Variants in NELL2 observed in about 807,000 individuals in gnomAD.
NELL2 encodes protein kinase C-binding protein NELL2.
Under a neutral mutation model 109.6 loss-of-function variants are expected in NELL2, and 41 were observed. That is an observed-to-expected ratio of 0.37 (90% confidence interval 0.29 to 0.49). The LOEUF is 0.49. NELL2 is among the 20% of genes least tolerant of loss of function. The probability of loss-of-function intolerance (pLI) is 0.98; values close to 1 mark genes in which losing one functional copy is unlikely to be tolerated. For missense variants in NELL2, 900 were observed against 1,008.3 expected (o/e 0.89, Z 1.45); for synonymous variants, 355 against 344.7 (o/e 1.03, Z -0.33).
upstream of NELL2, among the ~76,000 whole-genome samples, chr12:44,915,067 T>G (rs380232): frequency 0.29 from 44,562 of 151,842 alleles, 6,873 homozygotes; most frequent in East Asian, 0.44. Flanking sequence ...TAGCCAGGAT[T>G]GTCTCAATCT....
chr12:44,702,800 G>C (rs1327926438), intron 12 of NELL2, among the ~76,000 whole-genome samples: 1 of 151,516 alleles, frequency 6.6e-6, no homozygotes, highest in Non-Finnish European at 1.5e-5. Flanking sequence ...AATGAATAAG[G>C]ATTTTTAAGA....
intron 2 of NELL2, among the ~76,000 whole-genome samples, chr12:44,836,116 A>G (rs935508028): frequency 1.3e-5 from 2 of 152,228 alleles, no homozygotes; most frequent in Admixed American, 6.5e-5. Context: ...TGTTACTCAG[A>G]GAATTGCAAG....
chr12:44,682,902 G>T (rs1395311694), intron 12 of NELL2, among the ~76,000 whole-genome samples: 5 of 152,128 alleles, frequency 3.3e-5, no homozygotes, highest in Non-Finnish European at 7.4e-5. Flanking sequence ...GGCAATGCAG[G>T]CTCTTTTTTG....
At chr12:44,736,049 T>C (rs59613472) in intron 9 of NELL2, among the ~76,000 whole-genome samples, 10,198 of 147,668 alleles carry the variant, frequency 0.069, 1,190 homozygotes, top group African/African-American at 0.24. Flanking sequence ...TTCGCTCTGT[T>C]GCCCAGGCTG....
At chr12:44,738,470 T>C (rs1216268279) in intron 9 of NELL2, among the ~76,000 whole-genome samples, 1 of 149,758 alleles carries the variant, frequency 6.7e-6, no homozygotes, top group Non-Finnish European at 1.5e-5. Flanking sequence ...TGGAATATTA[T>C]TTATCTTAAA....
At chr12:44,510,164 G>A (rs751356080) in intron 19 of NELL2, among the ~76,000 whole-genome samples, 5 of 152,196 alleles carry the variant, frequency 3.3e-5, no homozygotes, top group East Asian at 1.9e-4. Context: ...TGTTAATATC[G>A]TTTTTAAAAC....
At chr12:44,564,539 C>A (rs1323642397) in intron 15 of NELL2, among the ~76,000 whole-genome samples, 1 of 152,122 alleles carries the variant, frequency 6.6e-6, no homozygotes, top group Non-Finnish European at 1.5e-5. Flanking sequence ...CTAGGCTAGG[C>A]CCTGAGGGCA....
intron 9 of NELL2, 94 bp from the exon 10 acceptor site, chr12:44,714,835 C>G: frequency 1.5e-6 from 1 of 674,806 alleles, no homozygotes; most frequent in East Asian, 3.2e-5. Flanking sequence ...ACATGTTATA[C>G]ACCTTTTTTC....
Position 44,596,005 on chromosome 12 carries a change from A to G in NELL2, c.1663+11164T>C, listed in dbSNP as rs540675588. Reference sequence around the variant, plus strand: ...CTAGAATTCATTCTTCTTAAGAGCAATTTCTTCTGGGGTTACCATACCTGA... The same window carrying G: ...CTAGAATTCATTCTTCTTAAGAGCAGTTTCTTCTGGGGTTACCATACCTGA... On this transcript the variant is annotated intron_variant, in intron 15 of 19. Transcript: ENST00000429094. Among the ~76,000 whole-genome samples, 5 of 152,248 alleles carry G rather than the reference A, an allele frequency of 3.3e-5. No individual in the cohort carries two copies. The South Asian group carries it at 1.0e-3, about 32-fold the overall frequency.
intron 15 of NELL2, among the ~76,000 whole-genome samples, chr12:44,561,874 C>G (rs893759100): frequency 3.9e-5 from 6 of 152,026 alleles, no homozygotes; most frequent in Non-Finnish European, 8.8e-5. Flanking sequence ...CAATCCTAAA[C>G]AAAAAGAACA....
upstream of NELL2, chr12:44,876,357 G>A: frequency 2.5e-6 from 3 of 1,218,330 alleles, no homozygotes; most frequent in Non-Finnish European, 3.1e-6. Context: ...TGCTCCTCCG[G>A]GGAGGGAGGG....
chr12:44,819,057 T>A (rs1430895803), intron 2 of NELL2, among the ~76,000 whole-genome samples: 1 of 152,198 alleles, frequency 6.6e-6, no homozygotes, highest in African/African-American at 2.4e-5. Context: ...ACTTATTTTT[T>A]AATTTTGTTC....
In NELL2 at chr12:44,558,534, G is replaced by A. The variant is rs369722471; in HGVS notation, c.1664-25813C>T. On this transcript the variant is annotated intron_variant, in intron 15 of 19. Coordinates refer to ENST00000429094, the MANE Select transcript of NELL2 (RefSeq NM_001145108.2). ...CGAGCCAAAGCCAGGGCTGGTCGGC[G>A]GGAGGGGGTGCGTCACCTCATCTGG... Among the ~76,000 whole-genome samples, 14 of 152,280 alleles carry A rather than the reference G, an allele frequency of 9.2e-5. No homozygotes were observed. In the East Asian group the frequency reaches 1.9e-3, roughly 21 times the overall value.
chr12:44,723,072 C>T (rs112508728), intron 9 of NELL2, among the ~76,000 whole-genome samples: 9,454 of 151,916 alleles, frequency 0.062, 388 homozygotes, highest in Non-Finnish European at 0.09. Flanking sequence ...GCCTGTAGTC[C>T]CAGCTACTTG....
At chr12:44,523,533 T>G (rs753483104) in intron 16 of NELL2, 49 bp from the exon 17 acceptor site, 1 of 1,542,306 alleles carries the variant, frequency 6.5e-7, no homozygotes, top group Admixed American at 1.7e-5. Context: ...TATGTGCAGT[T>G]TCAAACAACT....
chr12:44,731,450 C>A (rs1939365641), intron 9 of NELL2, among the ~76,000 whole-genome samples: 1 of 151,926 alleles, frequency 6.6e-6, no homozygotes, highest in South Asian at 2.1e-4. Flanking sequence ...ATATGAAAAC[C>A]AACCAATATG....
At chr12:44,786,676 C>T (rs1196209100) in intron 3 of NELL2, among the ~76,000 whole-genome samples, 4 of 152,148 alleles carry the variant, frequency 2.6e-5, no homozygotes, top group Non-Finnish European at 5.9e-5. Context: ...CATATATACA[C>T]CACGGATTAC....
At chr12:44,696,996 T>C (rs1466015413) in intron 12 of NELL2, among the ~76,000 whole-genome samples, 7 of 152,158 alleles carry the variant, frequency 4.6e-5, no homozygotes, top group East Asian at 3.8e-4. Flanking sequence ...TCGCTTAACA[T>C]AGGTAGGCTC....
intron 2 of NELL2, among the ~76,000 whole-genome samples, chr12:44,836,327 C>T (rs996586834): frequency 1.4e-4 from 21 of 152,176 alleles, no homozygotes; most frequent in African/African-American, 3.9e-4. Flanking sequence ...GAACTGGCTC[C>T]GGAACTGGGA....
Sources: allele counts gnomAD v4.1 joint callset (sites outside exome capture counted in the v4.1 genomes callset), GRCh38; gene constraint gnomAD v4.1.1; transcripts MANE v1.5; gene names NCBI Gene and HGNC (gene_info 2026-07-23, HGNC 2026-07-21).